Variants in ITGA4 observed in about 807,000 individuals in gnomAD.
The protein encoded by ITGA4 is integrin subunit alpha 4, also known as integrin alpha-4.
In ITGA4, 63 loss-of-function variants were observed where a neutral mutation model predicts 133.6. That is an observed-to-expected ratio of 0.47 (90% confidence interval 0.38 to 0.58). The LOEUF is 0.58. Among genes scored for constraint, ITGA4 ranks in the 20% least tolerant of loss-of-function variants. The pLI is 0.00. For missense variants in ITGA4, 1,076 were observed against 1,252.7 expected (o/e 0.86, Z 2.13); for synonymous variants, 483 against 438.0 (o/e 1.10, Z -1.28).
rs745408812 is a variant in ITGA4, at chr2:181,524,224, C to T, written c.2223C>T (p.Asp741=). 1 of 1,596,268 alleles carries T rather than the reference C, an allele frequency of 6.3e-7. No homozygotes were observed. The highest frequency in any genetic ancestry group is 8.5e-7 in the Non-Finnish European group (1 of 1,170,136). The part of the protein sequence containing the change: ...DVSSLSRAEE[D]LSITVHATCE... ...GCTCACTCAGCAGAGCGGAAGAGGACCTCAGTATCACAGTGCATGCTACCT... is the reference window on the plus strand; with the variant it reads ...GCTCACTCAGCAGAGCGGAAGAGGATCTCAGTATCACAGTGCATGCTACCT... Residue 741 remains aspartate (D), a synonymous_variant, in exon 20 of 28, where the codon GAC becomes GAT. Coordinates refer to ENST00000397033, the MANE Select transcript of ITGA4 (RefSeq NM_000885.6).
intron 22 of ITGA4, 144 bp downstream of exon 22, chr2:181,527,531 T>C (rs1042929677): frequency 1.9e-5 from 11 of 586,792 alleles, no homozygotes; most frequent in African/African-American, 1.3e-4. Flanking sequence ...GCAGTGGTAC[T>C]CCTGCCTCTC....
intron 10 of ITGA4, among the ~76,000 whole-genome samples, chr2:181,489,770 C>G (rs777625555): frequency 6.6e-6 from 1 of 152,048 alleles, no homozygotes; most frequent in Non-Finnish European, 1.5e-5. Context: ...ACATTTTTAC[C>G]CATTAAGTAA....
At chr2:181,461,990 A>G (rs886979318) in intron 2 of ITGA4, among the ~76,000 whole-genome samples, 1 of 152,180 alleles carries the variant, frequency 6.6e-6, no homozygotes. Context: ...TTTTGGATTT[A>G]TTAGGCGAAA....
In ITGA4 at chr2:181,489,069, A is replaced by G. The variant is rs573101908; in HGVS notation, c.1153+3077A>G. Among the ~76,000 whole-genome samples, 10 of 152,146 alleles carry G rather than the reference A, an allele frequency of 6.6e-5. No individual in the cohort carries two copies. The South Asian group carries it at 2.1e-3, about 32-fold the overall frequency. The stretch of plus-strand genomic sequence containing the variant: ...ATGTGTTTCTTTATTACTTTGCCCC[A>G]TCTTCTCTTATTTTATTTTTCTGGG... On this transcript the variant is annotated intron_variant, in intron 10 of 27. Coordinates refer to ENST00000397033, the MANE Select transcript of ITGA4 (RefSeq NM_000885.6).
At chr2:181,512,723 T>C (rs1456955180) in intron 17 of ITGA4, among the ~76,000 whole-genome samples, 1 of 152,024 alleles carries the variant, frequency 6.6e-6, no homozygotes, top group Admixed American at 6.6e-5. Flanking sequence ...CATTTATTAA[T>C]AAAATGTGAC....
chr2:181,476,683 T>C (rs1047643567), intron 4 of ITGA4, among the ~76,000 whole-genome samples: 2 of 152,150 alleles, frequency 1.3e-5, no homozygotes, highest in African/African-American at 4.8e-5. Flanking sequence ...CTTCAATTAA[T>C]GGTGTTAGCA....
chr2:181,457,922 T>C (rs1023670411), intron 1 of ITGA4, 71 bp downstream of exon 1: 15 of 1,388,752 alleles, frequency 1.1e-5, no homozygotes, highest in South Asian at 5.5e-5. Flanking sequence ...AGGGATTCCC[T>C]GCCCGATTCA....
chr2:181,511,828 T>C (rs1686512118), intron 17 of ITGA4, 53 bp downstream of exon 17: 7 of 802,076 alleles, frequency 8.7e-6, no homozygotes, highest in South Asian at 1.5e-5. Flanking sequence ...GTGTAATGAG[T>C]GTGTGCATTT....
At position 181,535,472 on chromosome 2, in the gene ITGA4, A is replaced by G; in HGVS notation, c.3044A>G (p.Glu1015Gly). The change falls in exon 28 of 28, where the codon GAA becomes GGA. Residue 1015 changes from glutamate (E) to glycine (G), a missense_variant. Glu to Gly is a moderately conservative substitution (Grantham distance 98). Around this residue, in one of 4 missense-constraint regions of ITGA4, gnomAD observed 193 missense variants for 172.3 expected, o/e 1.12. Coordinates refer to ENST00000397033, the MANE Select transcript of ITGA4 (RefSeq NM_000885.6). ...AGACAATACAAATCTATCCTACAAG[A>G]AGAAAACAGAAGAGACAGTTGGAGT... ...FKRQYKSILQ[E>G]ENRRDSWSYI... is the part of the protein sequence containing the mutation. The G allele has an allele frequency of 6.2e-7, 1 of 1,609,752 alleles. No homozygotes were observed. Among genetic ancestry groups the G allele is most frequent in the Non-Finnish European group, 8.5e-7 (1 of 1,177,816 alleles).
At position 181,460,713 on chromosome 2, in the gene ITGA4, GTTC is replaced by G. The variant is rs575495391; in HGVS notation, c.319+2402_319+2404del. 3.2e-3 allele frequency among the ~76,000 whole-genome samples: 479 copies of G among 152,010 alleles called. 2 individuals carry two copies. Among genetic ancestry groups the G allele is most frequent in the African/African-American group, 0.01 (428 of 41,436 alleles). On this transcript the variant is annotated intron_variant, in intron 2 of 27. Coordinates refer to ENST00000397033, the MANE Select transcript of ITGA4 (RefSeq NM_000885.6). ...CACATAATACATTCAAAAAATAGTG[GTTC>G]TTCTTTATTGTTTACTTAAATCTAT...
rs1445564495 is a variant in ITGA4, at chr2:181,495,126, A to T, written c.1340-245A>T. Among the ~76,000 whole-genome samples, 2 of 152,194 alleles carry T rather than the reference A, an allele frequency of 1.3e-5. No individual in the cohort carries two copies. Among genetic ancestry groups the T allele is most frequent in the Admixed American group, 1.3e-4 (2 of 15,282 alleles). On this transcript the variant is annotated intron_variant, in intron 12 of 27. Coordinates refer to ENST00000397033, the MANE Select transcript of ITGA4 (RefSeq NM_000885.6). The surrounding 1 kb of genome is among the most constrained non-coding windows in gnomAD (Gnocchi z 4.3). ...TGAATGTTTCTAGTCCAAAAATTGAATTTTGTTTTAGTAAACTTGTTTTTG... is the reference window on the plus strand; with the variant it reads ...TGAATGTTTCTAGTCCAAAAATTGATTTTTGTTTTAGTAAACTTGTTTTTG...
chr2:181,490,484 C>CGTGT (rs35723610), intron 10 of ITGA4, among the ~76,000 whole-genome samples: 170 of 137,822 alleles, frequency 1.2e-3, no homozygotes, highest in Middle Eastern at 3.7e-3. Context: ...GAATAGTATT[C>CGTGT]GTGTGTGTGT....
At chr2:181,477,876 T>A (rs1319902473) in intron 4 of ITGA4, among the ~76,000 whole-genome samples, 1 of 152,074 alleles carries the variant, frequency 6.6e-6, no homozygotes, top group African/African-American at 2.4e-5. Context: ...CAGTACCACA[T>A]AAAGAGATCT....
chr2:181,461,948 A>G (rs1345304516), intron 2 of ITGA4, among the ~76,000 whole-genome samples: 2 of 152,202 alleles, frequency 1.3e-5, no homozygotes, highest in Non-Finnish European at 2.9e-5. Flanking sequence ...ATATATTGAA[A>G]CAAACACTTT....
intron 2 of ITGA4, among the ~76,000 whole-genome samples, chr2:181,465,879 C>T (rs1200667597): frequency 6.6e-6 from 1 of 152,024 alleles, no homozygotes; most frequent in Non-Finnish European, 1.5e-5. Context: ...ATTCTGCATC[C>T]ATAAAATTGG....
chr2:181,475,567 G>T (rs1685656688), intron 4 of ITGA4, among the ~76,000 whole-genome samples: 2 of 152,188 alleles, frequency 1.3e-5, no homozygotes, highest in South Asian at 4.2e-4. Context: ...TTTGGTATAG[G>T]TGAGACTAGT....
Position 181,535,000 on chromosome 2 carries a change from C to T in ITGA4, c.3003+65C>T, listed in dbSNP as rs900063513. 2.7e-5 allele frequency: 40 copies of T among 1,476,990 alleles called. No individual in the cohort carries two copies. In the South Asian group the frequency reaches 4.9e-4, roughly 18 times the overall value. The allele number at this position is 1,476,990 out of a possible 1,614,324, so 91.5% of individuals were successfully genotyped here. A position where few individuals can be genotyped will look rare whatever the true frequency, so the allele number is the denominator to read the frequency against. ...TGACATTTTCTCAAAGCCAATTTGA[C>T]TTCCAAGTTATTAGATTTAAATATT... On this transcript the variant is annotated intron_variant, in intron 27 of 27. Transcript: ENST00000397033.
intron 15 of ITGA4, among the ~76,000 whole-genome samples, chr2:181,503,497 C>T (rs1384636541): frequency 6.7e-6 from 1 of 149,334 alleles, no homozygotes; most frequent in Non-Finnish European, 1.5e-5. Context: ...AAGAGTATCA[C>T]ACAGGATTAC....
intron 14 of ITGA4, among the ~76,000 whole-genome samples, chr2:181,496,522 C>T (rs780897209): frequency 1.4e-4 from 22 of 152,278 alleles, no homozygotes; most frequent in African/African-American, 2.9e-4. Flanking sequence ...TAATTTACTG[C>T]GACTACAAGC....
Sources: gnomAD v4.1 joint callset for allele counts (sites outside exome capture counted in the v4.1 genomes callset) on GRCh38, gnomAD v4.1.1 for gene constraint, gnomAD v4.1.1 regional missense constraint, Gnocchi (gnomAD v3.1) non-coding constraint, MANE v1.5 for transcripts, NCBI Gene and HGNC (gene_info 2026-07-23, HGNC 2026-07-21) for gene names.